NKAIN2: variants seen among roughly 807,000 people sequenced by gnomAD.
NKAIN2 encodes the protein sodium/potassium transporting ATPase interacting 2.
In NKAIN2, 14 loss-of-function variants were observed where a neutral mutation model predicts 32.6. The ratio of observed to expected loss-of-function variants is 0.43; its 90% CI spans 0.28 to 0.67. The LOEUF is 0.67. NKAIN2 is among the 30% of genes least tolerant of loss of function. NKAIN2 has a pLI of 0.17. For synonymous variants in NKAIN2, 80 were observed against 87.2 expected, an observed-to-expected ratio of 0.92 and a Z score of 0.46; for missense variants, 198 against 258.3, an observed-to-expected ratio of 0.77 and a Z score of 1.60.
At chr6:124,435,923 G>A (rs1775422476) in intron 3 of NKAIN2, among the ~76,000 whole-genome samples, 1 of 151,302 alleles carries the variant, frequency 6.6e-6, no homozygotes, top group Admixed American at 6.6e-5. Flanking sequence ...AAAAATACCA[G>A]ATTAAATATA....
At chr6:123,812,835 C>A (rs1274725527) in intron 1 of NKAIN2, among the ~76,000 whole-genome samples, 2 of 152,212 alleles carry the variant, frequency 1.3e-5, no homozygotes, top group Non-Finnish European at 2.9e-5. Flanking sequence ...ATGTTGCATT[C>A]TTTGGAAACA....
At chr6:124,506,564 A>G (rs1026288110) in intron 3 of NKAIN2, among the ~76,000 whole-genome samples, 1 of 152,190 alleles carries the variant, frequency 6.6e-6, no homozygotes, top group Non-Finnish European at 1.5e-5. Context: ...TAACTCAGTG[A>G]TGGCGGCCAG....
chr6:124,140,352 A>G (rs1275214481), intron 1 of NKAIN2, among the ~76,000 whole-genome samples: 1 of 152,212 alleles, frequency 6.6e-6, no homozygotes, highest in Non-Finnish European at 1.5e-5. Flanking sequence ...ATGTTTATTC[A>G]TTTTAAAAGT....
intron 1 of NKAIN2, among the ~76,000 whole-genome samples, chr6:124,150,223 G>A (rs568309741): frequency 6.6e-6 from 1 of 151,904 alleles, no homozygotes; most frequent in African/African-American, 2.4e-5. Flanking sequence ...AATTGTTTTG[G>A]CTATTATCGG....
chr6:124,136,423 C>T (rs1241284511), intron 1 of NKAIN2, among the ~76,000 whole-genome samples: 2 of 152,032 alleles, frequency 1.3e-5, no homozygotes, highest in African/African-American at 2.4e-5. Flanking sequence ...TGAATTCTAT[C>T]AGACATTTAA....
intron 1 of NKAIN2, among the ~76,000 whole-genome samples, chr6:124,160,455 T>C (rs1392198814): frequency 6.6e-6 from 1 of 152,166 alleles, no homozygotes; most frequent in Non-Finnish European, 1.5e-5. Flanking sequence ...TTATGCACCA[T>C]TATATGCTAC....
chr6:124,198,969 TG>T (rs779962633), intron 1 of NKAIN2, among the ~76,000 whole-genome samples: 105 of 152,296 alleles, frequency 6.9e-4, no homozygotes, highest in Middle Eastern at 6.8e-3. Flanking sequence ...ACATCTTCAG[TG>T]GGGGTGGAAA....
chr6:124,021,220 G>C (rs1780849884), intron 1 of NKAIN2, among the ~76,000 whole-genome samples: 1 of 150,876 alleles, frequency 6.6e-6, no homozygotes, highest in South Asian at 2.1e-4. Flanking sequence ...TTGATTAGTG[G>C]GTGCACACAC....
At chr6:124,276,761 A>G (rs1464405694) in intron 1 of NKAIN2, among the ~76,000 whole-genome samples, 1 of 152,176 alleles carries the variant, frequency 6.6e-6, no homozygotes, top group East Asian at 1.9e-4. Context: ...AGTCTTTACA[A>G]CTTTCTTGGT....
chr6:123,983,280 C>G (rs553644319), intron 1 of NKAIN2, among the ~76,000 whole-genome samples: 4 of 152,312 alleles, frequency 2.6e-5, no homozygotes, highest in African/African-American at 7.2e-5. Context: ...GAGTCTGGAA[C>G]AAACAGGCTG....
At chr6:124,481,489 T>C (rs897945845) in intron 3 of NKAIN2, among the ~76,000 whole-genome samples, 1 of 151,206 alleles carries the variant, frequency 6.6e-6, no homozygotes, top group African/African-American at 2.4e-5. Context: ...AGAAAAAAAA[T>C]GTGATTCACT....
intron 3 of NKAIN2, among the ~76,000 whole-genome samples, chr6:124,608,874 A>G (rs1215967818): frequency 6.6e-6 from 1 of 152,150 alleles, no homozygotes; most frequent in East Asian, 1.9e-4. Flanking sequence ...CTCCACCTCA[A>G]TGTCACTTGG....
Position 124,305,056 on chromosome 6 carries a change from A to T in NKAIN2, c.192+21914A>T, listed in dbSNP as rs893250977. Among the ~76,000 whole-genome samples, 5 of 152,210 alleles carry T rather than the reference A, an allele frequency of 3.3e-5. No homozygotes were observed. The East Asian group carries it at 9.6e-4, about 29-fold the overall frequency. On this transcript the variant is annotated intron_variant, in intron 2 of 6. Transcript: ENST00000368417. ...TGATGAAGGATTTTGGTACACATTT[A>T]AAAAAATTAGCTACGAAAGAATGAA...
At chr6:124,189,346 C>G (rs553512418) in intron 1 of NKAIN2, among the ~76,000 whole-genome samples, 1 of 152,138 alleles carries the variant, frequency 6.6e-6, no homozygotes, top group South Asian at 2.1e-4. Context: ...GACTAAGATT[C>G]TATTAGATCT....
In NKAIN2 at chr6:124,421,224, G is replaced by C. The variant is rs554032705; in HGVS notation, c.273+65877G>C. ...ACTGCTATTCGTGTGCTTTACTCAT[G>C]GGGACCCTCACTGTAACTGGTAACC... On this transcript the variant is annotated intron_variant, in intron 3 of 6. Coordinates refer to ENST00000368417, the MANE Select transcript of NKAIN2 (RefSeq NM_001040214.3). 3.3e-5 allele frequency among the ~76,000 whole-genome samples: 5 copies of C among 152,146 alleles called. No individual in the cohort carries two copies. In the South Asian group the frequency reaches 1.0e-3, roughly 32 times the overall value.
At chr6:124,539,280 C>T (rs1041687032) in intron 3 of NKAIN2, among the ~76,000 whole-genome samples, 3 of 152,168 alleles carry the variant, frequency 2.0e-5, no homozygotes, top group African/African-American at 7.2e-5. Flanking sequence ...TATCACTTCT[C>T]TAATTAAACA....
chr6:124,320,486 T>G (rs1797130733), intron 2 of NKAIN2, among the ~76,000 whole-genome samples: 1 of 152,184 alleles, frequency 6.6e-6, no homozygotes, highest in Non-Finnish European at 1.5e-5. Flanking sequence ...TTTTCTAACC[T>G]GAGAGAGCCT....
intron 1 of NKAIN2, among the ~76,000 whole-genome samples, chr6:124,262,668 T>C (rs888305731): frequency 2.6e-5 from 4 of 152,154 alleles, no homozygotes; most frequent in Admixed American, 2.6e-4. Context: ...TATAGATTAG[T>C]TGAAAAGAAA....
At chr6:123,834,051 C>T (rs1277159896) in intron 1 of NKAIN2, among the ~76,000 whole-genome samples, 4 of 151,382 alleles carry the variant, frequency 2.6e-5, no homozygotes, top group African/African-American at 7.3e-5. Flanking sequence ...ATATGAAATT[C>T]CACTTGTTCA....
Sources: allele counts gnomAD v4.1 joint callset (sites outside exome capture counted in the v4.1 genomes callset), GRCh38; gene constraint gnomAD v4.1.1; transcripts MANE v1.5; gene names NCBI Gene and HGNC (gene_info 2026-07-23, HGNC 2026-07-21).